Variants in TRAPPC9 observed in about 807,000 individuals in gnomAD.
TRAPPC9 encodes trafficking protein particle complex subunit 9.
TRAPPC9 carries 83 observed loss-of-function variants against 124.0 expected under a neutral mutation model. The ratio of observed to expected loss-of-function variants is 0.67; its 90% CI spans 0.56 to 0.80. The LOEUF (loss-of-function observed/expected upper bound fraction) is 0.80, where lower values mean the gene tolerates loss of function less well. Ranked by LOEUF, TRAPPC9 falls within the 30% of genes least tolerant of loss-of-function variation. TRAPPC9 has a pLI of 0.00. For missense variants in TRAPPC9, 1,302 were observed against 1,508.3 expected (o/e 0.86, Z 2.27); for synonymous variants, 638 against 617.5 (o/e 1.03, Z -0.49).
intron 17 of TRAPPC9, among the ~76,000 whole-genome samples, chr8:140,181,025 T>G (rs1354534141): frequency 6.6e-6 from 1 of 152,196 alleles, no homozygotes; most frequent in Non-Finnish European, 1.5e-5. Context: ...CTTTGAATAT[T>G]TTTCTCTCCA....
rs1837104584 is a variant in TRAPPC9, at chr8:139,984,376, G to A, written c.2810+4350C>T. On this transcript the variant is annotated intron_variant, in intron 19 of 22. Transcript: ENST00000438773. This position sits in a 1 kb window ranked among gnomAD's most constrained non-coding sequence, Gnocchi z 4.3. ...CCACTACTGCCCACACCTCCAGGCAGAGCCCATGCCCTCCCCACTCCAGAG... is the reference window on the plus strand; with the variant it reads ...CCACTACTGCCCACACCTCCAGGCAAAGCCCATGCCCTCCCCACTCCAGAG... 6.6e-6 allele frequency among the ~76,000 whole-genome samples: 1 copy of A among 151,906 alleles called. No individual in the cohort carries two copies. Among genetic ancestry groups the A allele is most frequent in the Admixed American group, 6.6e-5 (1 of 15,258 alleles).
intron 17 of TRAPPC9, among the ~76,000 whole-genome samples, chr8:140,131,390 C>A (rs1205439626): frequency 6.6e-6 from 1 of 152,190 alleles, no homozygotes; most frequent in Non-Finnish European, 1.5e-5. Flanking sequence ...AACACGATCA[C>A]CATCTGTCCA....
At chr8:139,954,375 C>T (rs573576833) in intron 19 of TRAPPC9, among the ~76,000 whole-genome samples, 12 of 152,152 alleles carry the variant, frequency 7.9e-5, no homozygotes, top group South Asian at 4.2e-4. Context: ...CTCAAAGTGA[C>T]GGTATTAGGA....
At chr8:140,198,772 C>G (rs2131146715) in intron 17 of TRAPPC9, among the ~76,000 whole-genome samples, 1 of 152,320 alleles carries the variant, frequency 6.6e-6, no homozygotes, top group South Asian at 2.1e-4. Context: ...ACTGTCCACT[C>G]CAAGTCTGCC....
rs57260430 is a variant in TRAPPC9, at chr8:139,901,002, A to AAATAAATAAATAAAT, written c.2964+9144_2964+9145insATTTATTTATTTATT. 4.4e-4 allele frequency among the ~76,000 whole-genome samples: 55 copies of AAATAAATAAATAAAT among 124,504 alleles called. 1 individual carries two copies. The highest frequency in any genetic ancestry group is 6.9e-4 in the Non-Finnish European group (39 of 56,748). 81.7% of individuals were successfully genotyped at this position (124,504 alleles called of 152,430 possible). Reference sequence around the variant, plus strand: ...TAAATAAATAAATAAATAAATAAATAAAATAAATAAATAAATAAAAATAAA... The same window carrying AAATAAATAAATAAAT: ...TAAATAAATAAATAAATAAATAAATAAATAAATAAATAAATAAATAAATAAATAAATAAAAATAAA... On this transcript the variant is annotated intron_variant, in intron 20 of 22. Transcript: ENST00000438773.
At chr8:140,106,893 T>C (rs893246581) in intron 17 of TRAPPC9, among the ~76,000 whole-genome samples, 2 of 152,160 alleles carry the variant, frequency 1.3e-5, no homozygotes, top group South Asian at 2.1e-4. Flanking sequence ...CCCTGGCAAT[T>C]AGCAAAGTGC....
chr8:140,275,153 T>C (rs1482188747), intron 15 of TRAPPC9, among the ~76,000 whole-genome samples: 1 of 152,136 alleles, frequency 6.6e-6, no homozygotes, highest in Non-Finnish European at 1.5e-5. Flanking sequence ...CCCCCCCTAT[T>C]TATCCAAGAG....
intron 21 of TRAPPC9, among the ~76,000 whole-genome samples, chr8:139,735,219 C>T (rs914630429): frequency 3.9e-5 from 6 of 152,180 alleles, no homozygotes; most frequent in South Asian, 2.1e-4. Flanking sequence ...CCTGGGCCTC[C>T]GTTTCCTCTT....
At chr8:140,270,912 C>G (rs2064858173) in intron 15 of TRAPPC9, among the ~76,000 whole-genome samples, 1 of 152,230 alleles carries the variant, frequency 6.6e-6, no homozygotes, top group South Asian at 2.1e-4. Context: ...GCGACAGCAG[C>G]CACTCATGGA....
chr8:140,339,213 G>A (rs1192619410), intron 9 of TRAPPC9, among the ~76,000 whole-genome samples: 1 of 152,158 alleles, frequency 6.6e-6, no homozygotes, highest in African/African-American at 2.4e-5. Context: ...GCCACCTACA[G>A]GCCAAAGAGA....
At chr8:140,301,700 G>A (rs947390885) in intron 10 of TRAPPC9, among the ~76,000 whole-genome samples, 14 of 152,104 alleles carry the variant, frequency 9.2e-5, no homozygotes, top group Non-Finnish European at 1.5e-4. Context: ...CCCGCCTCCC[G>A]GCCTCCGCAG....
Position 140,366,544 on chromosome 8 carries a change from C to A in TRAPPC9, c.1351+4420G>T, listed in dbSNP as rs148273314. Among the ~76,000 whole-genome samples the A allele has an allele frequency of 5.3e-4, 81 of 152,280 alleles. No homozygotes were observed. In the East Asian group the frequency reaches 0.015, roughly 28 times the overall value. ...ACAAGCAAAAAAATAACTCTAGACA[C>A]AGACCTCACACTCTTCACAAAAATT... On this transcript the variant is annotated intron_variant, in intron 8 of 22. Transcript: ENST00000438773.
intron 21 of TRAPPC9, among the ~76,000 whole-genome samples, chr8:139,811,351 G>A (rs1824433861): frequency 6.6e-6 from 1 of 152,296 alleles, no homozygotes; most frequent in South Asian, 2.1e-4. Flanking sequence ...CAGTAAACAG[G>A]CATTCTGGAA....
At chr8:139,739,751 CG>C (rs1423563986) in intron 21 of TRAPPC9, among the ~76,000 whole-genome samples, 1 of 152,224 alleles carries the variant, frequency 6.6e-6, no homozygotes, top group African/African-American at 2.4e-5. Context: ...CCTTGTTTAT[CG>C]ATTTGTTTCA....
chr8:140,359,181 A>C (rs915963889), intron 9 of TRAPPC9, among the ~76,000 whole-genome samples: 1 of 152,138 alleles, frequency 6.6e-6, no homozygotes, highest in Non-Finnish European at 1.5e-5. Flanking sequence ...AGCTTCTCCC[A>C]CTGTCCAGTC....
At chr8:139,904,050 T>C (rs1218686049) in intron 20 of TRAPPC9, among the ~76,000 whole-genome samples, 2 of 152,228 alleles carry the variant, frequency 1.3e-5, no homozygotes, top group African/African-American at 4.8e-5. Flanking sequence ...CTAGCGATTA[T>C]ACACAGCACT....
chr8:140,418,723 AAGAT>A (rs530951569), intron 5 of TRAPPC9, among the ~76,000 whole-genome samples: 20,991 of 141,166 alleles, frequency 0.15, 1,567 homozygotes, highest in Admixed American at 0.21. Context: ...CCATCTCAAA[AAGAT>A]AGATAGATAG....
intron 21 of TRAPPC9, among the ~76,000 whole-genome samples, chr8:139,757,077 C>T (rs1328370238): frequency 7.7e-5 from 9 of 117,542 alleles, no homozygotes; most frequent in Non-Finnish European, 8.7e-5. Context: ...GACAGCAGGT[C>T]ACAGGAGGAG....
chr8:140,436,467 C>T (rs1046558246), intron 3 of TRAPPC9, among the ~76,000 whole-genome samples: 9 of 152,200 alleles, frequency 5.9e-5, no homozygotes, highest in African/African-American at 2.2e-4. Flanking sequence ...CATGTTCACA[C>T]ATTTCTTTAA....
Sources: gnomAD v4.1 joint callset for allele counts (sites outside exome capture counted in the v4.1 genomes callset) on GRCh38, gnomAD v4.1.1 for gene constraint, Gnocchi (gnomAD v3.1) non-coding constraint, MANE v1.5 for transcripts, NCBI Gene and HGNC (gene_info 2026-07-23, HGNC 2026-07-21) for gene names.